The following PPP3CA variants were observed in gnomAD, a reference collection of about 807,000 sequenced individuals.
The protein encoded by PPP3CA is protein phosphatase 3 catalytic subunit alpha.
PPP3CA carries 14 observed loss-of-function variants against 66.5 expected under a neutral mutation model. That is an observed-to-expected ratio of 0.21 (90% CI 0.14 to 0.33). PPP3CA has a LOEUF of 0.33. Among genes scored for constraint, PPP3CA ranks in the 10% least tolerant of loss-of-function variants. The pLI is 1.00. For missense variants in PPP3CA, 317 were observed against 639.5 expected (o/e 0.50, Z 5.44); for synonymous variants, 232 against 226.2 (o/e 1.03, Z -0.23).
intron 1 of PPP3CA, among the ~76,000 whole-genome samples, chr4:101,213,603 C>T (rs1725371399): frequency 6.6e-6 from 1 of 152,124 alleles, no homozygotes; most frequent in African/African-American, 2.4e-5. Context: ...ACACTATCCA[C>T]ATATGCTTTA....
chr4:101,037,941 GCA>G (rs1727325114), intron 11 of PPP3CA, among the ~76,000 whole-genome samples: 1 of 152,156 alleles, frequency 6.6e-6, no homozygotes, highest in Admixed American at 6.5e-5. Flanking sequence ...AGACTACATA[GCA>G]CAGTTTTGAG....
At chr4:101,276,920 G>A (rs1219305971) in intron 1 of PPP3CA, among the ~76,000 whole-genome samples, 1 of 151,662 alleles carries the variant, frequency 6.6e-6, no homozygotes, top group African/African-American at 2.4e-5. Context: ...TTCATTCTTT[G>A]TGTTACACAT....
chr4:101,043,826 G>T (rs1257893904), intron 10 of PPP3CA, among the ~76,000 whole-genome samples: 1 of 152,030 alleles, frequency 6.6e-6, no homozygotes, highest in Non-Finnish European at 1.5e-5. Context: ...GGTGAGCCGA[G>T]ATTGTGCCAT....
intron 1 of PPP3CA, among the ~76,000 whole-genome samples, chr4:101,262,538 TAGAGGGAACC>T (rs1727042054): frequency 2.6e-5 from 4 of 152,258 alleles, no homozygotes; most frequent in Admixed American, 2.6e-4. Context: ...TTGTAAAGGC[TAGAGGGAACC>T]TTAGGAAGTG....
In PPP3CA at chr4:101,315,109, G is replaced by A. The variant is rs536315391; in HGVS notation, c.58+31630C>T. Among the ~76,000 whole-genome samples, 18 of 152,260 alleles carry A rather than the reference G, an allele frequency of 1.2e-4. No homozygotes were observed. In the South Asian group the frequency reaches 2.5e-3, roughly 21 times the overall value. ...GGCCTTTGGGACATGATTGAGTCAT[G>A]AGGGCTGAGTCCTCCTACATGGGAT... On this transcript the variant is annotated intron_variant, in intron 1 of 13. Coordinates refer to ENST00000394854, the MANE Select transcript of PPP3CA (RefSeq NM_000944.5).
intron 1 of PPP3CA, among the ~76,000 whole-genome samples, chr4:101,287,444 A>T (rs73835915): frequency 0.054 from 8,277 of 152,230 alleles, 742 homozygotes; most frequent in African/African-American, 0.19. Context: ...CTTCTTGACA[A>T]CATTCTTGTT....
At chr4:101,139,954 A>C (rs986698322) in intron 2 of PPP3CA, among the ~76,000 whole-genome samples, 1 of 151,888 alleles carries the variant, frequency 6.6e-6, no homozygotes. Context: ...TTTTTAAGCC[A>C]TGTGGCAAAA....
intron 2 of PPP3CA, among the ~76,000 whole-genome samples, chr4:101,193,821 G>C (rs1252612573): frequency 6.6e-6 from 1 of 152,140 alleles, no homozygotes; most frequent in Non-Finnish European, 1.5e-5. Flanking sequence ...GGAATATCTA[G>C]ATTTCCAATA....
chr4:101,191,016 A>T (rs552706858), intron 2 of PPP3CA, among the ~76,000 whole-genome samples: 1 of 152,308 alleles, frequency 6.6e-6, no homozygotes, highest in South Asian at 2.1e-4. Flanking sequence ...TAAGCATAGG[A>T]TATGTAGATA....
chr4:101,128,075 C>A (rs993270460), intron 2 of PPP3CA, among the ~76,000 whole-genome samples: 1 of 152,104 alleles, frequency 6.6e-6, no homozygotes, highest in Admixed American at 6.5e-5. Context: ...GAAAGGCATC[C>A]CTCACATAGA....
intron 1 of PPP3CA, among the ~76,000 whole-genome samples, chr4:101,315,397 C>T (rs1484426089): frequency 6.6e-6 from 1 of 152,138 alleles, no homozygotes; most frequent in Non-Finnish European, 1.5e-5. Flanking sequence ...TAAACTGAGG[C>T]TCAATAAGGT....
chr4:101,278,971 C>T (rs144146090), intron 1 of PPP3CA, among the ~76,000 whole-genome samples: 5 of 152,156 alleles, frequency 3.3e-5, no homozygotes, highest in African/African-American at 9.6e-5. Flanking sequence ...TTATGAAAAC[C>T]GATCAATTTC....
intron 1 of PPP3CA, among the ~76,000 whole-genome samples, chr4:101,287,154 G>C (rs1468561535): frequency 2.0e-5 from 3 of 151,788 alleles, no homozygotes; most frequent in Non-Finnish European, 4.4e-5. Flanking sequence ...TCTCAAATCT[G>C]TATTTCATTT....
chr4:101,028,057 G>A (rs1470991193), intron 13 of PPP3CA, among the ~76,000 whole-genome samples: 1 of 152,180 alleles, frequency 6.6e-6, no homozygotes, highest in Non-Finnish European at 1.5e-5. Context: ...TATTTAGGAA[G>A]CAGTTGTATT....
rs1218469699 is a variant in PPP3CA at position 101,023,990 on chromosome 4, T to C, written c.*1875A>G. 2 of 152,412 alleles carry C rather than the reference T, an allele frequency of 1.3e-5. No homozygotes were observed. The highest frequency in any genetic ancestry group is 1.9e-4 in the East Asian group (1 of 5,200). 9.4% of individuals were successfully genotyped at this position (152,412 alleles called of 1,614,324 possible). On this transcript the variant is annotated 3_prime_UTR_variant, in exon 14 of 14. Transcript: ENST00000394854. ...GCCTAGTACTTTTTGCTTTAGCAGA[T>C]AGATAGGGCATCCAATACAACTGAA...
chr4:101,135,603 C>T (rs185529131), intron 2 of PPP3CA, among the ~76,000 whole-genome samples: 5 of 152,258 alleles, frequency 3.3e-5, no homozygotes, highest in South Asian at 2.1e-4. Context: ...CTGGTTCCCT[C>T]CTCTCCCCCA....
intron 1 of PPP3CA, among the ~76,000 whole-genome samples, chr4:101,202,285 C>T (rs1724992897): frequency 6.6e-6 from 1 of 151,832 alleles, no homozygotes; most frequent in Admixed American, 6.6e-5. Context: ...AAAACATATG[C>T]CAGTTGAAGT....
rs1728372726 is a variant in PPP3CA at position 101,301,445 on chromosome 4, T to C, written c.58+45294A>G. 3.4e-5 allele frequency among the ~76,000 whole-genome samples: 5 copies of C among 147,150 alleles called. No homozygotes were observed. The Admixed American group carries it at 3.4e-4, about 10-fold the overall frequency. ...TTATATATAATATATATTAATTATA[T>C]ATTAAATTTATATATTATATATATT... On this transcript the variant is annotated intron_variant, in intron 1 of 13. Coordinates refer to ENST00000394854, the MANE Select transcript of PPP3CA (RefSeq NM_000944.5).
chr4:101,234,814 C>T (rs1162993273), intron 1 of PPP3CA, among the ~76,000 whole-genome samples: 2 of 151,666 alleles, frequency 1.3e-5, no homozygotes, highest in African/African-American at 4.8e-5. Flanking sequence ...ATATAATTAC[C>T]TTTTACTTAA....
Sources: allele counts gnomAD v4.1 joint callset (sites outside exome capture counted in the v4.1 genomes callset), GRCh38; gene constraint gnomAD v4.1.1; transcripts MANE v1.5; gene names NCBI Gene and HGNC (gene_info 2026-07-23, HGNC 2026-07-21).